The following GLRA3 variants were observed in gnomAD, a reference collection of about 807,000 sequenced individuals.
GLRA3 encodes the protein glycine receptor alpha 3, also known as glycine receptor subunit alpha-3.
In GLRA3, 44 loss-of-function variants were observed where a neutral mutation model predicts 60.4. The ratio of observed to expected loss-of-function variants is 0.73; its 90% CI spans 0.57 to 0.94. GLRA3 has a LOEUF of 0.94. GLRA3 is among the 40% of genes least tolerant of loss of function. GLRA3 has a pLI of 0.00. For synonymous variants in GLRA3, 223 were observed against 192.9 expected (o/e 1.16, Z -1.29); for missense variants, 508 against 564.6 (o/e 0.90, Z 1.02).
At position 174,750,051 on chromosome 4, in the gene GLRA3, A is replaced by C. The variant is rs115345214; in HGVS notation, c.267+16912T>G. Reference sequence around the variant, plus strand: ...TTCTTATATCCCACCTCAACCTTCCATCACTGCCCTCATGGAGTAGATCTC... The same window carrying C: ...TTCTTATATCCCACCTCAACCTTCCCTCACTGCCCTCATGGAGTAGATCTC... On this transcript the variant is annotated intron_variant, in intron 3 of 9. Transcript: ENST00000274093. Among the ~76,000 whole-genome samples, 1,414 of 152,214 alleles carry C rather than the reference A, an allele frequency of 9.3e-3. 21 individuals are homozygous for C. The highest frequency in any genetic ancestry group is 0.032 in the African/African-American group (1,338 of 41,546).
chr4:174,650,570 C>T (rs1178808641), intron 9 of GLRA3, among the ~76,000 whole-genome samples: 1 of 152,108 alleles, frequency 6.6e-6, no homozygotes, highest in Non-Finnish European at 1.5e-5. Flanking sequence ...GCCGCCCAGA[C>T]CAAAGGAATC....
At chr4:174,803,934 G>A (rs1739923420) in intron 1 of GLRA3, among the ~76,000 whole-genome samples, 1 of 152,176 alleles carries the variant, frequency 6.6e-6, no homozygotes. Flanking sequence ...ACTTGTAGTT[G>A]TAGGGGCCTT....
At chr4:174,646,313 T>C (rs1299968503) in intron 9 of GLRA3, among the ~76,000 whole-genome samples, 3 of 152,348 alleles carry the variant, frequency 2.0e-5, no homozygotes, top group Non-Finnish European at 2.9e-5. Context: ...AATTAACATA[T>C]TAGTGAGCAA....
intron 3 of GLRA3, among the ~76,000 whole-genome samples, chr4:174,738,466 G>C (rs1426340238): frequency 6.6e-6 from 1 of 152,104 alleles, no homozygotes; most frequent in African/African-American, 2.4e-5. Flanking sequence ...GCAAAATTTT[G>C]GTGTGTTCTT....
At chr4:174,687,349 C>T (rs1734586091) in intron 5 of GLRA3, among the ~76,000 whole-genome samples, 1 of 152,076 alleles carries the variant, frequency 6.6e-6, no homozygotes, top group Non-Finnish European at 1.5e-5. Flanking sequence ...TATGTAAGTA[C>T]CTTTTAATAT....
intron 3 of GLRA3, among the ~76,000 whole-genome samples, chr4:174,732,161 C>T (rs765409566): frequency 4.6e-5 from 7 of 152,132 alleles, no homozygotes; most frequent in Non-Finnish European, 1.0e-4. Context: ...CAGAGACCAT[C>T]CTGGCCAACA....
At chr4:174,761,373 T>A in intron 3 of GLRA3, among the ~76,000 whole-genome samples, 1 of 152,270 alleles carries the variant, frequency 6.6e-6, no homozygotes, top group East Asian at 1.9e-4. Flanking sequence ...TGTGAGCCTA[T>A]CATTTGTATG....
chr4:174,795,448 AAATAT>A (rs1335458506), intron 1 of GLRA3, among the ~76,000 whole-genome samples: 2 of 152,304 alleles, frequency 1.3e-5, no homozygotes, highest in Non-Finnish European at 2.9e-5. Context: ...ATAAATGCAC[AAATAT>A]AATTTGATAA....
intron 1 of GLRA3, among the ~76,000 whole-genome samples, chr4:174,825,402 TA>T (rs1740927638): frequency 6.6e-6 from 1 of 152,164 alleles, no homozygotes; most frequent in African/African-American, 2.4e-5. Context: ...TTACATTTTT[TA>T]TTATTATGAC....
chr4:174,682,903 T>G lies in GLRA3; in HGVS notation c.611A>C (p.Gln204Pro). The stretch of plus-strand genomic sequence containing the variant: ...TGCCACTTGTACGGGTGCCTCATCT[T>G]GCCATTCAAAAATGAGATCATTCAT... ...YTMNDLIFEW[Q>P]DEAPVQVAEG... is the part of the protein sequence containing the mutation. The change falls in exon 6 of 10, where the codon CAA (glutamine) becomes CCA (proline). Residue 204 changes from glutamine (Q) to proline (P), a missense_variant. Gln to Pro is a moderately conservative substitution (Grantham distance 76, BLOSUM62 -1). Coordinates refer to ENST00000274093, the MANE Select transcript of GLRA3 (RefSeq NM_006529.4). 6.2e-7 allele frequency: 1 copy of G among 1,613,238 alleles called. No homozygotes were observed. Among genetic ancestry groups the G allele is most frequent in the Non-Finnish European group, 8.5e-7 (1 of 1,179,212 alleles).
chr4:174,721,465 T>C (rs1227179304), intron 4 of GLRA3, among the ~76,000 whole-genome samples: 1 of 146,264 alleles, frequency 6.8e-6, no homozygotes, highest in Non-Finnish European at 1.5e-5. Context: ...TATACACACA[T>C]ATATATAACA....
At chr4:174,670,201 T>A (rs1287415857) in intron 7 of GLRA3, among the ~76,000 whole-genome samples, 1 of 152,164 alleles carries the variant, frequency 6.6e-6, no homozygotes, top group African/African-American at 2.4e-5. Context: ...CTTTTTTTGA[T>A]CTACTCAGGC....
rs189325403 is a variant in GLRA3, at chr4:174,639,552, A to T, written c.*4234T>A. On this transcript the variant is annotated 3_prime_UTR_variant, in exon 10 of 10. Coordinates refer to ENST00000274093, the MANE Select transcript of GLRA3 (RefSeq NM_006529.4). ...CCTCATATCTGGAAGAAGCTTCCCC[A>T]GGATATTTTTCCCTGCCCTAGTTCC... 4 of 152,266 alleles carry T rather than the reference A, an allele frequency of 2.6e-5. No individual in the cohort carries two copies. The highest frequency in any genetic ancestry group is 9.6e-5 in the African/African-American group (4 of 41,558). The allele number at this position is 152,266 out of a possible 1,614,324, so 9.4% of individuals were successfully genotyped here.
intron 1 of GLRA3, among the ~76,000 whole-genome samples, chr4:174,813,612 A>G (rs1051533501): frequency 2.6e-5 from 4 of 152,348 alleles, no homozygotes; most frequent in African/African-American, 9.6e-5. Context: ...ATAATTGTGC[A>G]TTCAACTGAT....
Position 174,643,869 on chromosome 4 carries a change from A to C in GLRA3, c.1312T>G (p.Leu438Val). ...IDTISRACFP[L>V]AFLIFNIFYW... ...AAAATATTAAAAATCAAAAAAGCTAATGGGAAGCAGGCTCGGGAGATGGTA... is the reference window on the plus strand; with the variant it reads ...AAAATATTAAAAATCAAAAAAGCTACTGGGAAGCAGGCTCGGGAGATGGTA... The change falls in exon 10 of 10, where the codon TTA (leucine) becomes GTA (valine). Residue 438 changes from leucine (L) to valine (V), a missense_variant. Physicochemically the swap from Leu to Val is conservative, Grantham distance 32. Around this residue, in one of 3 missense-constraint regions of GLRA3, gnomAD observed 176 missense variants for 197.9 expected, o/e 0.89. Transcript: ENST00000274093. 6.2e-7 allele frequency: 1 copy of C among 1,614,076 alleles called. No individual in the cohort carries two copies.
chr4:174,689,756 TAA>T lies in GLRA3; in HGVS notation c.575-6819_575-6818del, dbSNP rs553306775. 7.4e-3 allele frequency among the ~76,000 whole-genome samples: 294 copies of T among 39,478 alleles called. 2 individuals are homozygous for T. Among genetic ancestry groups the T allele is most frequent in the African/African-American group, 0.024 (228 of 9,310 alleles). The allele number at this position is 39,478 out of a possible 152,430, so 25.9% of individuals were successfully genotyped here. ...AAAGGCACAGAGTGGTAAGTCGCAT[TAA>T]AAAAAAAAAAAAAAAAAAAAAAAAA... On this transcript the variant is annotated intron_variant, in intron 5 of 9. Coordinates refer to ENST00000274093, the MANE Select transcript of GLRA3 (RefSeq NM_006529.4).
chr4:174,641,192 C>T lies in GLRA3; in HGVS notation c.*2594G>A, dbSNP rs556766461. On this transcript the variant is annotated 3_prime_UTR_variant, in exon 10 of 10. Transcript: ENST00000274093. The stretch of plus-strand genomic sequence containing the variant: ...TTTCTAATGTGGCTATTTTAAAATA[C>T]TTCAGAATATGCACATTGGAATTCC... 2 of 152,134 alleles carry T rather than the reference C, an allele frequency of 1.3e-5. No homozygotes were observed. Among genetic ancestry groups the T allele is most frequent in the East Asian group, 1.9e-4 (1 of 5,186 alleles). The allele number at this position is 152,134 out of a possible 1,614,324, so 9.4% of individuals were successfully genotyped here. A position where few individuals can be genotyped will look rare whatever the true frequency, so the allele number is the denominator to read the frequency against.
intron 6 of GLRA3, among the ~76,000 whole-genome samples, chr4:174,681,126 A>G (rs1057341014): frequency 6.6e-6 from 1 of 152,190 alleles, no homozygotes; most frequent in Non-Finnish European, 1.5e-5. Context: ...TCTCTACGAT[A>G]CCACCCAAGA....
At chr4:174,811,531 C>A (rs1369553876) in intron 1 of GLRA3, among the ~76,000 whole-genome samples, 2 of 152,222 alleles carry the variant, frequency 1.3e-5, no homozygotes, top group African/African-American at 4.8e-5. Context: ...GAAATGATCC[C>A]TCCTCCACTA....
Sources: gnomAD v4.1 joint callset for allele counts (sites outside exome capture counted in the v4.1 genomes callset) on GRCh38, gnomAD v4.1.1 for gene constraint, gnomAD v4.1.1 regional missense constraint, MANE v1.5 for transcripts, NCBI Gene and HGNC (gene_info 2026-07-23, HGNC 2026-07-21) for gene names.